Variants in PLS1 observed in about 807,000 individuals in gnomAD.
PLS1 encodes plastin-1.
Under a neutral mutation model 73.7 loss-of-function variants are expected in PLS1, and 32 were observed. The observed-to-expected ratio is 0.43, with a 90% CI of 0.33 to 0.58. The LOEUF is 0.58. Ranked by LOEUF, PLS1 falls within the 20% of genes least tolerant of loss-of-function variation. PLS1 has a pLI of 0.04. For synonymous variants in PLS1, 217 were observed against 261.3 expected (o/e 0.83, Z 1.63); for missense variants, 633 against 740.5 (o/e 0.85, Z 1.68).
chr3:142,597,228 TC>T (rs1337909392), intron 1 of PLS1: 3 of 152,202 alleles, frequency 2.0e-5, no homozygotes, highest in Non-Finnish European at 4.4e-5. Context: ...GTGATATCTT[TC>T]CCTCCAGCCA....
At chr3:142,694,367 G>T (rs1057168213) in intron 10 of PLS1, 102 bp from the exon 11 acceptor site, 5 of 594,142 alleles carry the variant, frequency 8.4e-6, no homozygotes, top group African/African-American at 7.7e-5. Context: ...AAGAACCATG[G>T]CAAGGTAGGT....
chr3:142,622,650 A>G (rs1321028121), intron 1 of PLS1, among the ~76,000 whole-genome samples: 1 of 152,208 alleles, frequency 6.6e-6, no homozygotes, highest in Admixed American at 6.5e-5. Context: ...AATTAACCAG[A>G]CAGTGAAAAT....
At chr3:142,602,813 T>TC (rs1159318682) in intron 1 of PLS1, among the ~76,000 whole-genome samples, 2 of 119,996 alleles carry the variant, frequency 1.7e-5, no homozygotes, top group Non-Finnish European at 3.5e-5. Context: ...GTTCCCAGGA[T>TC]ATGAAAGGCA....
intron 8 of PLS1, among the ~76,000 whole-genome samples, chr3:142,685,069 G>C (rs1185298888): frequency 6.7e-6 from 1 of 150,226 alleles, no homozygotes; most frequent in Non-Finnish European, 1.5e-5. Context: ...TTCATGTTCC[G>C]TCTTTAGCTA....
intron 8 of PLS1, 103 bp from the exon 9 acceptor site, chr3:142,686,181 C>A: frequency 2.8e-6 from 2 of 716,814 alleles, no homozygotes; most frequent in Non-Finnish European, 4.9e-6. Flanking sequence ...TTATTCCATT[C>A]TTTGAGATAG....
intron 6 of PLS1, among the ~76,000 whole-genome samples, chr3:142,678,557 C>A (rs377714668): frequency 8.6e-5 from 13 of 151,238 alleles, no homozygotes; most frequent in African/African-American, 3.2e-4. Context: ...TTTACTGAGA[C>A]TGATGATTTC....
chr3:142,604,988 A>G (rs1004055815), intron 1 of PLS1, among the ~76,000 whole-genome samples: 1 of 152,186 alleles, frequency 6.6e-6, no homozygotes, highest in African/African-American at 2.4e-5. Context: ...AAATCTGAAA[A>G]TCTCTGAATG....
At chr3:142,626,921 C>CAATGG (rs1370646723) in intron 1 of PLS1, among the ~76,000 whole-genome samples, 1 of 152,190 alleles carries the variant, frequency 6.6e-6, no homozygotes, top group Non-Finnish European at 1.5e-5. Context: ...AAAGGAATGA[C>CAATGG]AGTCACTGTC....
chr3:142,641,138 G>T (rs1024421436), intron 1 of PLS1, among the ~76,000 whole-genome samples: 2 of 146,872 alleles, frequency 1.4e-5, no homozygotes, highest in African/African-American at 5.0e-5. Flanking sequence ...TCCAGCCTGG[G>T]TGACAGAGAC....
chr3:142,660,550 C>T (rs1293323935), intron 1 of PLS1, among the ~76,000 whole-genome samples: 1 of 152,170 alleles, frequency 6.6e-6, no homozygotes. Flanking sequence ...CTGAACGTGG[C>T]TCACCACCTC....
intron 1 of PLS1, chr3:142,628,052 A>G (rs1245334644): frequency 2.0e-5 from 3 of 152,236 alleles, no homozygotes; most frequent in Admixed American, 1.3e-4. Context: ...TCTAATTTCA[A>G]TGTCTACATA....
chr3:142,647,560 C>T (rs575686942), intron 1 of PLS1, among the ~76,000 whole-genome samples: 14 of 147,042 alleles, frequency 9.5e-5, no homozygotes, highest in Admixed American at 4.8e-4. Context: ...TGGAGTGCAA[C>T]GGCACAATGT....
At chr3:142,706,329 A>G (rs1203525017) in intron 14 of PLS1, among the ~76,000 whole-genome samples, 1 of 152,202 alleles carries the variant, frequency 6.6e-6, no homozygotes, top group South Asian at 2.1e-4. Flanking sequence ...ATCATTTCCA[A>G]TTGAATGGTC....
chr3:142,655,983 A>T (rs544703204), intron 1 of PLS1, among the ~76,000 whole-genome samples: 1 of 152,006 alleles, frequency 6.6e-6, no homozygotes, highest in African/African-American at 2.4e-5. Flanking sequence ...TGTTTTTGAG[A>T]TAGAGTCTCA....
chr3:142,608,573 A>G (rs1050060021), intron 1 of PLS1, among the ~76,000 whole-genome samples: 10 of 152,164 alleles, frequency 6.6e-5, no homozygotes, highest in Non-Finnish European at 1.2e-4. Flanking sequence ...AGTAGAAGAG[A>G]TGAGATTTGA....
chr3:142,625,833 G>A (rs1187704984), intron 1 of PLS1, among the ~76,000 whole-genome samples: 1 of 152,092 alleles, frequency 6.6e-6, no homozygotes, highest in Non-Finnish European at 1.5e-5. Context: ...AATTAGCTGG[G>A]TGTTGTGGCA....
intron 9 of PLS1, among the ~76,000 whole-genome samples, chr3:142,689,395 C>T (rs1391238178): frequency 6.6e-6 from 1 of 151,442 alleles, no homozygotes; most frequent in Non-Finnish European, 1.5e-5. Context: ...TGCACTCCAG[C>T]CTGGGGAACA....
chr3:142,672,031 C>A (rs1470346344), intron 4 of PLS1, among the ~76,000 whole-genome samples: 3 of 152,110 alleles, frequency 2.0e-5, no homozygotes, highest in Non-Finnish European at 4.4e-5. Context: ...CAGTTTCTGC[C>A]TGTCAATTCT....
chr3:142,599,551 G>A (rs1282424665), intron 1 of PLS1, among the ~76,000 whole-genome samples: 4 of 150,996 alleles, frequency 2.6e-5, no homozygotes, highest in East Asian at 2.0e-4. Flanking sequence ...GGATGGTCTC[G>A]ATCTCCTGAC....
Sources: gnomAD v4.1 joint callset for allele counts (sites outside exome capture counted in the v4.1 genomes callset) on GRCh38, gnomAD v4.1.1 for gene constraint, MANE v1.5 for transcripts, NCBI Gene and HGNC (gene_info 2026-07-23, HGNC 2026-07-21) for gene names.